KANSL1L: variants seen among roughly 807,000 people sequenced by gnomAD.
The protein encoded by KANSL1L is KAT8 regulatory NSL complex subunit 1 like, also known as KAT8 regulatory NSL complex subunit 1-like protein.
Under a neutral mutation model 108.6 loss-of-function variants are expected in KANSL1L, and 25 were observed. The observed-to-expected ratio is 0.23, with a 90% CI of 0.17 to 0.32. KANSL1L has a LOEUF of 0.32. KANSL1L is among the 10% of genes least tolerant of loss of function. The pLI is 1.00. For missense variants in KANSL1L, 1,137 were observed against 1,125.7 expected (o/e 1.01, Z -0.14); for synonymous variants, 405 against 395.1 (o/e 1.03, Z -0.30).
intron 10 of KANSL1L, among the ~76,000 whole-genome samples, chr2:210,029,313 C>G (rs1460336864): frequency 6.6e-6 from 1 of 152,034 alleles, no homozygotes; most frequent in Non-Finnish European, 1.5e-5. Context: ...TCAGTAACCA[C>G]TTTTTATTAG....
intron 6 of KANSL1L, among the ~76,000 whole-genome samples, chr2:210,051,162 T>C: frequency 6.6e-6 from 1 of 152,188 alleles, no homozygotes; most frequent in South Asian, 2.1e-4. Flanking sequence ...TGGGCCCATT[T>C]GTTTATACTT....
At chr2:210,057,073 T>C (rs1575436929) in intron 6 of KANSL1L, among the ~76,000 whole-genome samples, 1 of 152,306 alleles carries the variant, frequency 6.6e-6, no homozygotes, top group East Asian at 1.9e-4. Flanking sequence ...AGTCACTTGC[T>C]TTGTCCTATA....
At chr2:210,097,559 A>AG (rs1398995619) in intron 5 of KANSL1L, 6 of 153,102 alleles carry the variant, frequency 3.9e-5, no homozygotes, top group Non-Finnish European at 8.7e-5. Context: ...TTCATAGTGT[A>AG]TATATTTTTG....
At chr2:210,144,948 T>G (rs889039894) in intron 2 of KANSL1L, among the ~76,000 whole-genome samples, 3 of 152,238 alleles carry the variant, frequency 2.0e-5, no homozygotes, top group African/African-American at 7.2e-5. Flanking sequence ...TCCTTCTGAC[T>G]TCATATACTG....
intron 6 of KANSL1L, among the ~76,000 whole-genome samples, chr2:210,062,249 CTT>C (rs1035840823): frequency 3.3e-5 from 5 of 152,306 alleles, no homozygotes; most frequent in Admixed American, 6.5e-5. Context: ...GCTGTCTTCT[CTT>C]GTCTGCTGCC....
intron 1 of KANSL1L, among the ~76,000 whole-genome samples, chr2:210,165,348 G>GT (rs1182870648): frequency 6.6e-6 from 1 of 151,864 alleles, no homozygotes; most frequent in Non-Finnish European, 1.5e-5. Context: ...TGTATCTCCG[G>GT]TTTTTTTAAG....
rs752862083 is a variant in KANSL1L at position 210,104,293 on chromosome 2, C to A, written c.1239G>T (p.Val413=). 6.2e-7 allele frequency: 1 copy of A among 1,612,174 alleles called. No homozygotes were observed. ...TTGGAAGCTGACATTCTTCTAGGAC[C>A]ACTATCCCCTAGACAAAAAACAATG... The part of the protein sequence containing the change: ...HRQIRASKGI[V]VLEECQLPKD... Residue 413 remains valine (V), a synonymous_variant, in exon 4 of 15, where the codon GTG becomes GTT. Coordinates refer to ENST00000281772, the MANE Select transcript of KANSL1L (RefSeq NM_152519.4).
intron 6 of KANSL1L, among the ~76,000 whole-genome samples, chr2:210,069,671 T>C (rs1193779643): frequency 6.6e-6 from 1 of 152,102 alleles, no homozygotes; most frequent in Non-Finnish European, 1.5e-5. Flanking sequence ...AATCCTTCCT[T>C]GACTCATTCA....
chr2:210,092,785 A>G (rs1428587259), intron 5 of KANSL1L, among the ~76,000 whole-genome samples: 2 of 152,196 alleles, frequency 1.3e-5, no homozygotes, highest in African/African-American at 2.4e-5. Flanking sequence ...GCCTTCCTCC[A>G]GAGGAAATCT....
At chr2:210,042,803 TAAATC>T (rs981364063) in intron 7 of KANSL1L, among the ~76,000 whole-genome samples, 1 of 152,178 alleles carries the variant, frequency 6.6e-6, no homozygotes, top group African/African-American at 2.4e-5. Context: ...GTTAAAAACT[TAAATC>T]AAGGTAATGG....
At chr2:210,121,205 T>C (rs2095016344) in intron 3 of KANSL1L, among the ~76,000 whole-genome samples, 1 of 152,180 alleles carries the variant, frequency 6.6e-6, no homozygotes, top group African/African-American at 2.4e-5. Context: ...TGTACGTTTA[T>C]TGCAGCACTA....
intron 5 of KANSL1L, chr2:210,079,666 G>GTGTATATATATATATATATA (rs1559539831): frequency 1.1e-4 from 2 of 18,414 alleles, no homozygotes; most frequent in East Asian, 1.6e-3. Flanking sequence ...ATATATATAT[G>GTGTATATATATATATATATA]TATGTGTGTA....
intron 5 of KANSL1L, among the ~76,000 whole-genome samples, chr2:210,089,503 T>C (rs992625162): frequency 6.6e-6 from 1 of 152,152 alleles, no homozygotes; most frequent in Non-Finnish European, 1.5e-5. Flanking sequence ...AGTAACTACT[T>C]TAGAAAATAC....
intron 2 of KANSL1L, among the ~76,000 whole-genome samples, chr2:210,130,981 A>G (rs559912609): frequency 1.3e-5 from 2 of 152,146 alleles, no homozygotes; most frequent in East Asian, 3.8e-4. Flanking sequence ...TGATCTCTAA[A>G]TATTTCACGT....
chr2:210,024,262 G>GAGGTCTTGGGTTTAA, intron 13 of KANSL1L, 61 bp from the exon 14 acceptor site: 1 of 1,363,758 alleles, frequency 7.3e-7, no homozygotes. Context: ...GAAAATTTAT[G>GAGGTCTTGGGTTTAA]AACAACCCAA....
intron 3 of KANSL1L, among the ~76,000 whole-genome samples, chr2:210,111,665 T>C (rs1303251931): frequency 6.6e-6 from 1 of 152,214 alleles, no homozygotes; most frequent in East Asian, 1.9e-4. Context: ...TGATACCTGT[T>C]AGTAAGAATG....
chr2:210,085,306 G>C (rs1260786027), intron 5 of KANSL1L, among the ~76,000 whole-genome samples: 1 of 152,094 alleles, frequency 6.6e-6, no homozygotes, highest in Non-Finnish European at 1.5e-5. Context: ...AGAATATGTG[G>C]GTTCACTTTA....
intron 11 of KANSL1L, among the ~76,000 whole-genome samples, chr2:210,027,563 T>C (rs2093954743): frequency 6.6e-6 from 1 of 152,208 alleles, no homozygotes; most frequent in African/African-American, 2.4e-5. Context: ...TTATGGTGAA[T>C]AGTCTGTTCT....
chr2:210,090,702 TA>T (rs921527200), intron 5 of KANSL1L, among the ~76,000 whole-genome samples: 22 of 152,072 alleles, frequency 1.4e-4, no homozygotes, highest in African/African-American at 4.8e-4. Context: ...CAGCTAATTT[TA>T]AAAAAATTTT....
Sources: allele counts gnomAD v4.1 joint callset (sites outside exome capture counted in the v4.1 genomes callset), GRCh38; gene constraint gnomAD v4.1.1; transcripts MANE v1.5; gene names NCBI Gene and HGNC (gene_info 2026-07-23, HGNC 2026-07-21).